The following KCND3 variants were observed in gnomAD, a reference collection of about 807,000 sequenced individuals.
KCND3 encodes the protein potassium voltage-gated channel subfamily D member 3, also known as A-type voltage-gated potassium channel KCND3.
KCND3 carries 9 observed loss-of-function variants against 51.1 expected under a neutral mutation model. That is an observed-to-expected ratio of 0.18 (90% CI 0.11 to 0.31). KCND3 has a LOEUF of 0.31. Ranked by LOEUF, KCND3 falls within the 10% of genes least tolerant of loss-of-function variation. The pLI, the probability that KCND3 is intolerant of heterozygous loss-of-function variation, is 1.00. For missense variants in KCND3, 526 were observed against 903.8 expected (o/e 0.58, Z 5.36); for synonymous variants, 349 against 368.0 (o/e 0.95, Z 0.59).
chr1:111,910,230 G>A (rs1056978646), intron 2 of KCND3: 1 of 152,202 alleles, frequency 6.6e-6, no homozygotes, highest in Non-Finnish European at 1.5e-5. Context: ...ATCCACAGAA[G>A]AGCTCCATAA....
chr1:111,789,120 A>G (rs1435735215), intron 2 of KCND3, among the ~76,000 whole-genome samples: 1 of 152,370 alleles, frequency 6.6e-6, no homozygotes, highest in Middle Eastern at 3.4e-3. Context: ...GCATGGCAGG[A>G]GTGCAGAAGA....
intron 2 of KCND3, among the ~76,000 whole-genome samples, chr1:111,877,546 G>T (rs1353151201): frequency 2.6e-5 from 4 of 152,238 alleles, no homozygotes; most frequent in Admixed American, 2.0e-4. Context: ...GAAGAGAGGA[G>T]TGTGGAGGGA....
intron 2 of KCND3, among the ~76,000 whole-genome samples, chr1:111,807,748 G>T (rs1232092094): frequency 6.6e-6 from 1 of 152,236 alleles, no homozygotes; most frequent in African/African-American, 2.4e-5. Flanking sequence ...ACATAGTCTG[G>T]AGTGTAGTAG....
At chr1:111,939,194 C>G (rs1358955560) in intron 2 of KCND3, among the ~76,000 whole-genome samples, 2 of 152,194 alleles carry the variant, frequency 1.3e-5, no homozygotes, top group East Asian at 1.9e-4. Context: ...AAGGCATCCT[C>G]CAAACCCTCA....
chr1:111,840,727 C>T (rs1667287748), intron 2 of KCND3, among the ~76,000 whole-genome samples: 1 of 152,188 alleles, frequency 6.6e-6, no homozygotes, highest in African/African-American at 2.4e-5. Flanking sequence ...ACTGAACTTC[C>T]TGCTCCATTG....
At chr1:111,874,532 G>A (rs1668964349) in intron 2 of KCND3, among the ~76,000 whole-genome samples, 1 of 152,136 alleles carries the variant, frequency 6.6e-6, no homozygotes, top group Non-Finnish European at 1.5e-5. Flanking sequence ...GGTGACAGGA[G>A]AAAGAACTGT....
intron 2 of KCND3, among the ~76,000 whole-genome samples, chr1:111,848,329 G>T (rs929865959): frequency 1.3e-5 from 2 of 152,150 alleles, no homozygotes; most frequent in Non-Finnish European, 2.9e-5. Flanking sequence ...ACCCCAGAGG[G>T]GTATGGTTGT....
chr1:111,895,835 C>T (rs1008205006), intron 2 of KCND3, among the ~76,000 whole-genome samples: 1 of 152,200 alleles, frequency 6.6e-6, no homozygotes, highest in Non-Finnish European at 1.5e-5. Context: ...GTCCTAGCCT[C>T]CTGCAAACTC....
At chr1:111,887,448 G>A (rs531581362) in intron 2 of KCND3, among the ~76,000 whole-genome samples, 1 of 152,202 alleles carries the variant, frequency 6.6e-6, no homozygotes, top group South Asian at 2.1e-4. Context: ...AGAGAGGAGA[G>A]AAAAAATATC....
At chr1:111,868,353 C>T (rs1312207477) in intron 2 of KCND3, among the ~76,000 whole-genome samples, 1 of 152,140 alleles carries the variant, frequency 6.6e-6, no homozygotes, top group Non-Finnish European at 1.5e-5. Flanking sequence ...CTGCATTTCC[C>T]AGTGCTCGTG....
At chr1:111,951,885 A>C (rs547761768) in intron 2 of KCND3, among the ~76,000 whole-genome samples, 13 of 152,234 alleles carry the variant, frequency 8.5e-5, no homozygotes, top group Non-Finnish European at 1.6e-4. Context: ...GAGAAGCAAC[A>C]GCAGAGGGTC....
At chr1:111,980,263 G>A (rs1045938070) in intron 2 of KCND3, among the ~76,000 whole-genome samples, 1 of 150,612 alleles carries the variant, frequency 6.6e-6, no homozygotes, top group African/African-American at 2.4e-5. Flanking sequence ...GAAGGGGCAG[G>A]GTGGTTCTGT....
At chr1:111,826,655 C>G (rs80129939) in intron 2 of KCND3, among the ~76,000 whole-genome samples, 2,614 of 152,290 alleles carry the variant, frequency 0.017, 73 homozygotes, top group African/African-American at 0.058. Flanking sequence ...TTCATGGTTT[C>G]TGAATGTTTC....
At chr1:111,861,375 G>A (rs945639415) in intron 2 of KCND3, among the ~76,000 whole-genome samples, 11 of 152,148 alleles carry the variant, frequency 7.2e-5, no homozygotes, top group African/African-American at 2.2e-4. Context: ...TACTTTATGT[G>A]TAGATTTAGG....
At chr1:111,904,855 G>A (rs1670568486) in intron 2 of KCND3, among the ~76,000 whole-genome samples, 1 of 152,192 alleles carries the variant, frequency 6.6e-6, no homozygotes, top group Non-Finnish European at 1.5e-5. Flanking sequence ...CTCTGTGGAG[G>A]TAGACTCAGG....
chr1:111,979,218 C>T (rs1426559733), intron 2 of KCND3, among the ~76,000 whole-genome samples: 1 of 152,202 alleles, frequency 6.6e-6, no homozygotes, highest in Non-Finnish European at 1.5e-5. Flanking sequence ...CAGAATCTAT[C>T]AGTTCCCTCC....
At chr1:111,838,363 C>T (rs1390863424) in intron 2 of KCND3, among the ~76,000 whole-genome samples, 1 of 152,182 alleles carries the variant, frequency 6.6e-6, no homozygotes, top group Non-Finnish European at 1.5e-5. Flanking sequence ...ATTAACATGG[C>T]TTCTATCTTT....
chr1:111,960,042 G>T (rs200122751), intron 2 of KCND3, among the ~76,000 whole-genome samples: 1 of 142,440 alleles, frequency 7.0e-6, no homozygotes, highest in African/African-American at 2.6e-5. Context: ...TGGAAAAAAA[G>T]AAAAAAAAAA....
chr1:111,894,783 G>A (rs1670017234), intron 2 of KCND3, among the ~76,000 whole-genome samples: 2 of 152,176 alleles, frequency 1.3e-5, no homozygotes, highest in Admixed American at 1.3e-4. Context: ...CTGCAAGGAA[G>A]GCCTCTGCCC....
Sources: allele counts gnomAD v4.1 joint callset (sites outside exome capture counted in the v4.1 genomes callset), GRCh38; gene constraint gnomAD v4.1.1; transcripts MANE v1.5; gene names NCBI Gene and HGNC (gene_info 2026-07-23, HGNC 2026-07-21).